CFAP161: variants seen among roughly 807,000 people sequenced by gnomAD.
CFAP161 encodes the protein cilia and flagella associated protein 161, also known as cilia- and flagella-associated protein 161.
A neutral mutation model predicts 29.0 loss-of-function variants in CFAP161; 25 were observed. The observed-to-expected ratio is 0.86, with a 90% CI of 0.63 to 1.20. CFAP161 has a LOEUF of 1.20. Among genes scored for constraint, CFAP161 ranks in the 50% most tolerant of loss-of-function variants. CFAP161 has a pLI of 0.00. For synonymous variants in CFAP161, 116 were observed against 137.4 expected, an observed-to-expected ratio of 0.84 and a Z score of 1.09; for missense variants, 367 against 371.9, an observed-to-expected ratio of 0.99 and a Z score of 0.11.
intron 5 of CFAP161, among the ~76,000 whole-genome samples, chr15:81,146,301 T>C (rs1241320516): frequency 6.6e-6 from 1 of 152,150 alleles, no homozygotes; most frequent in East Asian, 1.9e-4. Context: ...AAATAATATA[T>C]ATTTTTCCTG....
At chr15:81,124,235 T>A (rs1288682739) in intron 1 of CFAP161, among the ~76,000 whole-genome samples, 2 of 152,204 alleles carry the variant, frequency 1.3e-5, no homozygotes, top group Non-Finnish European at 2.9e-5. Context: ...ATATTGAATT[T>A]TATTGAAAGC....
intron 1 of CFAP161, chr15:81,117,931 G>T: frequency 4.6e-6 from 2 of 438,268 alleles, no homozygotes; most frequent in Non-Finnish European, 8.6e-6. Flanking sequence ...TGAGTCAGGG[G>T]CTTCCTGGTC....
chr15:81,129,625 G>A (rs1894683501), upstream of CFAP161, among the ~76,000 whole-genome samples: 1 of 152,110 alleles, frequency 6.6e-6, no homozygotes, highest in Non-Finnish European at 1.5e-5. Flanking sequence ...ATGAGATTTG[G>A]GTGGTGACAC....
intron 1 of CFAP161, among the ~76,000 whole-genome samples, chr15:81,101,840 T>G (rs1894307563): frequency 6.6e-6 from 1 of 152,096 alleles, no homozygotes; most frequent in Non-Finnish European, 1.5e-5. Context: ...CAATGCTGTT[T>G]GATTGCAATG....
intron 1 of CFAP161, among the ~76,000 whole-genome samples, chr15:81,123,698 T>C (rs1894604433): frequency 6.6e-6 from 1 of 152,194 alleles, no homozygotes; most frequent in Non-Finnish European, 1.5e-5. Context: ...ATTTGTTGTG[T>C]CATCTCTGAT....
intron 1 of CFAP161, among the ~76,000 whole-genome samples, chr15:81,127,063 G>C (rs368855515): frequency 6.6e-6 from 1 of 152,146 alleles, no homozygotes; most frequent in East Asian, 1.9e-4. Flanking sequence ...ACAAGAACAG[G>C]CCATAATATG....
chr15:81,111,051 C>T (rs1348238709), intron 1 of CFAP161, among the ~76,000 whole-genome samples: 1 of 152,228 alleles, frequency 6.6e-6, no homozygotes, highest in Non-Finnish European at 1.5e-5. Flanking sequence ...TTATGTAGTT[C>T]TGTTAAACTG....
intron 1 of CFAP161, among the ~76,000 whole-genome samples, chr15:81,110,335 T>C (rs1422508919): frequency 6.6e-6 from 1 of 152,080 alleles, no homozygotes; most frequent in Non-Finnish European, 1.5e-5. Context: ...ATAACGAAAA[T>C]ATCAGTTAAA....
At chr15:81,101,579 T>G in intron 1 of CFAP161, among the ~76,000 whole-genome samples, 1 of 139,206 alleles carries the variant, frequency 7.2e-6, no homozygotes, top group African/African-American at 2.7e-5. Context: ...GGGTGATTCG[T>G]GAGTGATCTG....
Position 81,136,681 on chromosome 15 carries a change from G to T in CFAP161, c.325G>T (p.Val109Leu), listed in dbSNP as rs757142572. ...GTCCCATCTGAAAGACGAATTAGAG[G>T]TACCCTGTGGCCTGAGCGCAGTTCA... ...IQSHLKDELE[V>L]PCGLSAVQAK... is the part of the protein sequence containing the mutation. Residue 109 changes from valine (V) to leucine (L), a missense_variant, in exon 3 of 7, where the codon GTA becomes TTA. Val to Leu is a conservative substitution (Grantham distance 32, BLOSUM62 1). Transcript: ENST00000286732. The T allele has an allele frequency of 6.2e-7, 1 of 1,614,138 alleles. No individual in the cohort carries two copies. The highest frequency in any genetic ancestry group is 8.5e-7 in the Non-Finnish European group (1 of 1,180,032).
chr15:81,134,995 T>G (rs527610552), intron 1 of CFAP161, among the ~76,000 whole-genome samples: 2 of 152,340 alleles, frequency 1.3e-5, no homozygotes, highest in Admixed American at 1.3e-4. Context: ...AGGGGAGACA[T>G]GGCCTCCAAA....
At chr15:81,141,688 C>CT (rs111423310) in intron 4 of CFAP161, among the ~76,000 whole-genome samples, 2,369 of 140,256 alleles carry the variant, frequency 0.017, 45 homozygotes, top group African/African-American at 0.054. Flanking sequence ...TAGTATTTGC[C>CT]TTTTTTTTTT....
At chr15:81,142,387 C>G (rs1894926158) in intron 4 of CFAP161, among the ~76,000 whole-genome samples, 1 of 152,002 alleles carries the variant, frequency 6.6e-6, no homozygotes, top group Non-Finnish European at 1.5e-5. Flanking sequence ...GCAGTGGCTC[C>G]CCATTGCCCT....
intron 4 of CFAP161, among the ~76,000 whole-genome samples, chr15:81,138,989 T>A (rs908364057): frequency 6.6e-6 from 1 of 152,304 alleles, no homozygotes; most frequent in South Asian, 2.1e-4. Context: ...TATTATTATT[T>A]TTGATACCAC....
intron 5 of CFAP161, among the ~76,000 whole-genome samples, chr15:81,144,817 G>C (rs1457946527): frequency 6.6e-6 from 1 of 151,584 alleles, no homozygotes; most frequent in African/African-American, 2.4e-5. Context: ...AAAGAGCTTA[G>C]GGAGTCTTGG....
At chr15:81,124,436 C>T (rs1894614683) in intron 1 of CFAP161, among the ~76,000 whole-genome samples, 1 of 151,688 alleles carries the variant, frequency 6.6e-6, no homozygotes, top group African/African-American at 2.4e-5. Context: ...AGGATTTTTG[C>T]ATTGATGTTC....
At position 81,147,911 on chromosome 15, in the gene CFAP161, C is replaced by A. The variant is rs919780319; in HGVS notation, c.690C>A (p.Ala230=). 6.2e-7 allele frequency: 1 copy of A among 1,611,016 alleles called. No individual in the cohort carries two copies. Among genetic ancestry groups the A allele is most frequent in the Non-Finnish European group, 8.5e-7 (1 of 1,178,576 alleles). The change falls in exon 6 of 7, where the codon GCC becomes GCA. Residue 230 remains alanine, a synonymous_variant. Coordinates refer to ENST00000286732, the MANE Select transcript of CFAP161 (RefSeq NM_173528.4). ...NHCHTNRGLA[A]HRHLFLSTYF... ...GTCACACAAATCGGGGACTGGCAGCCCACCGGCATCTTTTCTTAAGGTATT... is the reference window on the plus strand; with the variant it reads ...GTCACACAAATCGGGGACTGGCAGCACACCGGCATCTTTTCTTAAGGTATT...
At chr15:81,105,132 CCCCCTCCCCT>C (rs1894349276) in intron 1 of CFAP161, among the ~76,000 whole-genome samples, 1 of 28,296 alleles carries the variant, frequency 3.5e-5, no homozygotes, top group African/African-American at 1.7e-4. Flanking sequence ...TACCTTTCTC[CCCCCTCCCCT>C]CCCTCCCTCC....
intron 1 of CFAP161, among the ~76,000 whole-genome samples, chr15:81,120,465 G>GA (rs1458853592): frequency 6.6e-6 from 1 of 152,084 alleles, no homozygotes; most frequent in Non-Finnish European, 1.5e-5. Flanking sequence ...AGCTAAAACT[G>GA]AAAAAAATGT....
Sources: allele counts gnomAD v4.1 joint callset (sites outside exome capture counted in the v4.1 genomes callset), GRCh38; gene constraint gnomAD v4.1.1; transcripts MANE v1.5; gene names NCBI Gene and HGNC (gene_info 2026-07-23, HGNC 2026-07-21).